DCBLD2: variants seen among roughly 807,000 people sequenced by gnomAD.
DCBLD2 encodes the protein discoidin, CUB and LCCL domain containing 2.
A neutral mutation model predicts 86.8 loss-of-function variants in DCBLD2; 54 were observed. The ratio of observed to expected loss-of-function variants is 0.62; its 90% confidence interval spans 0.50 to 0.78. The LOEUF is 0.78. Ranked by LOEUF, DCBLD2 falls within the 30% of genes least tolerant of loss-of-function variation. The probability of loss-of-function intolerance (pLI) is 0.00; values close to 1 mark genes in which losing one functional copy is unlikely to be tolerated. For synonymous variants in DCBLD2, 354 were observed against 341.3 expected, an observed-to-expected ratio of 1.04 and a Z score of -0.41; for missense variants, 908 against 954.2, an observed-to-expected ratio of 0.95 and a Z score of 0.64.
At chr3:98,891,466 T>C (rs543977099) in intron 1 of DCBLD2, among the ~76,000 whole-genome samples, 18 of 152,220 alleles carry the variant, frequency 1.2e-4, no homozygotes, top group African/African-American at 4.1e-4. Flanking sequence ...AGTTCTCTAA[T>C]AGGTTTCCCC....
intron 1 of DCBLD2, among the ~76,000 whole-genome samples, chr3:98,885,446 G>A (rs746285035): frequency 5.3e-5 from 8 of 151,868 alleles, no homozygotes; most frequent in South Asian, 2.1e-4. Flanking sequence ...AAGAAATACC[G>A]TTTACATCGT....
intron 3 of DCBLD2, among the ~76,000 whole-genome samples, chr3:98,838,418 G>A (rs1271300436): frequency 2.4e-5 from 3 of 126,954 alleles, no homozygotes; most frequent in Non-Finnish European, 5.1e-5. Flanking sequence ...GGGGCGGCGG[G>A]GCAGAGGCGC....
intron 7 of DCBLD2, 124 bp downstream of exon 7, chr3:98,820,124 A>G (rs1942092106): frequency 2.0e-6 from 1 of 494,100 alleles, no homozygotes; most frequent in Non-Finnish European, 3.3e-6. Context: ...TAACTATCTT[A>G]CCTCATAGTG....
intron 1 of DCBLD2, chr3:98,900,840 C>G (rs1943834105): frequency 4.1e-6 from 2 of 488,792 alleles, no homozygotes; most frequent in Admixed American, 6.9e-5. Context: ...CCAAAATTTT[C>G]CCCAGAAGGA....
chr3:98,881,194 C>T, intron 2 of DCBLD2, among the ~76,000 whole-genome samples: 1 of 148,196 alleles, frequency 6.7e-6, no homozygotes, highest in African/African-American at 2.5e-5. Context: ...GCGGAGGTTG[C>T]AGTGAGCCAA....
chr3:98,799,316 TA>T lies in DCBLD2; in HGVS notation c.*55del, dbSNP rs62821060. ...TCTATATATTACTACCACTAATAAT[TA>T]AAAAAAAAAGGCCATGTGCTTTAAA... On this transcript the variant is annotated 3_prime_UTR_variant, in exon 16 of 16. Coordinates refer to ENST00000326840, the MANE Select transcript of DCBLD2 (RefSeq NM_080927.4). The T allele has an allele frequency of 5.1e-5, 57 of 1,115,216 alleles. No homozygotes were observed. Among genetic ancestry groups the T allele is most frequent in the African/African-American group, 1.1e-4 (7 of 63,906 alleles). The allele number at this position is 1,115,216 out of a possible 1,614,324, so 69.1% of individuals were successfully genotyped here.
In DCBLD2 at chr3:98,838,466, G is replaced by A. The variant is rs1308434304; in HGVS notation, c.571+10995C>T. On this transcript the variant is annotated intron_variant, in intron 3 of 15. Coordinates refer to ENST00000326840, the MANE Select transcript of DCBLD2 (RefSeq NM_080927.4). The stretch of plus-strand genomic sequence containing the variant: ...AGACGATGGGCGGCCGGGCAGAGAC[G>A]CTCCTCACTTCCTAGATGTGATGGC... 7.4e-3 allele frequency among the ~76,000 whole-genome samples: 1,012 copies of A among 137,186 alleles called. 18 individuals carry two copies. The highest frequency in any genetic ancestry group is 0.026 in the African/African-American group (957 of 37,052). The allele number at this position is 137,186 out of a possible 152,430, so 90.0% of individuals were successfully genotyped here.
rs563099077 is a variant in DCBLD2 at position 98,881,167 on chromosome 3, T to C, written c.433+373A>G. On this transcript the variant is annotated intron_variant, in intron 2 of 15. Coordinates refer to ENST00000326840, the MANE Select transcript of DCBLD2 (RefSeq NM_080927.4). ...TACTTGGGAGGCCGAGGCAGGAGGA[T>C]AGCTTGAACCCAGGAGGCGGAGGTT... Among the ~76,000 whole-genome samples, 88 of 150,054 alleles carry C rather than the reference T, an allele frequency of 5.9e-4. 2 individuals carry two copies. Among genetic ancestry groups the C allele is most frequent in the Non-Finnish European group, 1.8e-4 (12 of 67,754 alleles).
At chr3:98,839,440 CT>C (rs1401170037) in intron 3 of DCBLD2, among the ~76,000 whole-genome samples, 6 of 152,066 alleles carry the variant, frequency 3.9e-5, no homozygotes, top group Admixed American at 3.9e-4. Flanking sequence ...GCCAACCCCC[CT>C]GAATTGTATA....
At chr3:98,820,199 CA>C (rs1347302925) in intron 7 of DCBLD2, 48 bp downstream of exon 7, 6 of 1,252,754 alleles carry the variant, frequency 4.8e-6, no homozygotes, top group Admixed American at 3.3e-5. Flanking sequence ...TAACAGTGTT[CA>C]AAAAATATTA....
At chr3:98,805,536 A>C (rs927632700) in intron 13 of DCBLD2, among the ~76,000 whole-genome samples, 9 of 152,188 alleles carry the variant, frequency 5.9e-5, no homozygotes, top group Non-Finnish European at 1.2e-4. Flanking sequence ...GCTTAGAATG[A>C]GCTCTGGATT....
intron 2 of DCBLD2, among the ~76,000 whole-genome samples, chr3:98,876,412 T>TAAAAAAAAAAAAAAAAAAAAAAAAAA (rs60681986): frequency 4.2e-5 from 2 of 47,532 alleles, no homozygotes; most frequent in African/African-American, 2.1e-4. Context: ...AGATAAAAAG[T>TAAAAAAAAAAAAAAAAAAAAAAAAAA]AAAAAAAAAA....
chr3:98,891,990 C>CATAA (rs1442168589), intron 1 of DCBLD2, among the ~76,000 whole-genome samples: 2 of 152,236 alleles, frequency 1.3e-5, no homozygotes, highest in African/African-American at 2.4e-5. Flanking sequence ...ATTCTACTCA[C>CATAA]CTTTATAAGC....
intron 2 of DCBLD2, among the ~76,000 whole-genome samples, chr3:98,879,479 C>T (rs187719062): frequency 1.7e-3 from 254 of 152,024 alleles, no homozygotes; most frequent in Admixed American, 6.5e-3. Context: ...CTCCGTCTCC[C>T]GGGTTCACGC....
chr3:98,851,407 G>C (rs6767370), intron 2 of DCBLD2, among the ~76,000 whole-genome samples: 48,022 of 151,942 alleles, frequency 0.32, 8,776 homozygotes, highest in East Asian at 0.69. Flanking sequence ...CCTCTTCAAG[G>C]AGAACTACAA....
intron 2 of DCBLD2, among the ~76,000 whole-genome samples, chr3:98,858,955 C>T (rs761838103): frequency 3.9e-5 from 6 of 152,248 alleles, no homozygotes; most frequent in Non-Finnish European, 4.4e-5. Flanking sequence ...CGCGTGGGGT[C>T]GGGGAATTCC....
chr3:98,850,587 G>A (rs1423745603), intron 2 of DCBLD2, among the ~76,000 whole-genome samples: 2 of 152,178 alleles, frequency 1.3e-5, no homozygotes, highest in African/African-American at 2.4e-5. Context: ...ATTTTCTTAT[G>A]TGCTTGGTAA....
At chr3:98,883,125 T>A (rs1943500980) in intron 1 of DCBLD2, among the ~76,000 whole-genome samples, 2 of 152,170 alleles carry the variant, frequency 1.3e-5, no homozygotes, top group Non-Finnish European at 2.9e-5. Flanking sequence ...TAACTGGCCA[T>A]GAGATAGTAT....
intron 2 of DCBLD2, among the ~76,000 whole-genome samples, chr3:98,868,704 C>G (rs914710657): frequency 6.6e-6 from 1 of 152,092 alleles, no homozygotes; most frequent in Non-Finnish European, 1.5e-5. Flanking sequence ...ACATATGGTA[C>G]TTGGTTTTCT....
Sources: gnomAD v4.1 joint callset for allele counts (sites outside exome capture counted in the v4.1 genomes callset) on GRCh38, gnomAD v4.1.1 for gene constraint, MANE v1.5 for transcripts, NCBI Gene and HGNC (gene_info 2026-07-23, HGNC 2026-07-21) for gene names.